CUX1: variants seen among roughly 807,000 people sequenced by gnomAD.
The protein encoded by CUX1 is cut like homeobox 1.
Under a neutral mutation model 158.8 loss-of-function variants are expected in CUX1, and 31 were observed. The ratio of observed to expected loss-of-function variants is 0.20; its 90% confidence interval spans 0.15 to 0.26. CUX1 has a LOEUF of 0.26. Ranked by LOEUF, CUX1 falls within the 10% of genes least tolerant of loss-of-function variation. CUX1 has a pLI of 1.00. For synonymous variants in CUX1, 879 were observed against 862.1 expected, an observed-to-expected ratio of 1.02 and a Z score of -0.34; for missense variants, 1,589 against 2,014.6, an observed-to-expected ratio of 0.79 and a Z score of 4.04.
At chr7:102,016,409 A>G (rs1318199514) in intron 2 of CUX1, among the ~76,000 whole-genome samples, 1 of 152,250 alleles carries the variant, frequency 6.6e-6, no homozygotes, top group African/African-American at 2.4e-5. Context: ...TGATTGAAGG[A>G]GCCCCTAAAA....
chr7:102,060,056 A>G (rs1824612191), intron 3 of CUX1, among the ~76,000 whole-genome samples: 1 of 152,022 alleles, frequency 6.6e-6, no homozygotes, highest in Non-Finnish European at 1.5e-5. Flanking sequence ...TGGGCGGATC[A>G]TGAGGTCAGG....
At chr7:101,956,758 A>C (rs1170785616) in intron 2 of CUX1, among the ~76,000 whole-genome samples, 1 of 152,212 alleles carries the variant, frequency 6.6e-6, no homozygotes, top group Non-Finnish European at 1.5e-5. Flanking sequence ...GACCAGCCAG[A>C]GCAACATAGC....
chr7:102,094,756 C>G (rs541906836), intron 4 of CUX1, among the ~76,000 whole-genome samples: 1 of 152,180 alleles, frequency 6.6e-6, no homozygotes, highest in Non-Finnish European at 1.5e-5. Flanking sequence ...CTTCCCTGAC[C>G]TCTATGTCAA....
intron 2 of CUX1, among the ~76,000 whole-genome samples, chr7:102,017,761 C>T (rs71559446): frequency 0.03 from 4,522 of 151,266 alleles, 99 homozygotes; most frequent in Non-Finnish European, 0.034. Flanking sequence ...GCATGAGAAT[C>T]GCTTGAGCCT....
At chr7:102,230,585 G>A (rs547663201) in intron 21 of CUX1, among the ~76,000 whole-genome samples, 7 of 151,976 alleles carry the variant, frequency 4.6e-5, no homozygotes, top group Non-Finnish European at 1.0e-4. Context: ...AGCTTGTCCA[G>A]TGGAAGCCTC....
intron 14 of CUX1, chr7:102,273,285 G>A (rs1217429721): frequency 1.3e-6 from 2 of 1,547,384 alleles, no homozygotes; most frequent in South Asian, 1.2e-5. Flanking sequence ...CCAGACCGTG[G>A]GTTGGAGAGG....
intron 1 of CUX1, among the ~76,000 whole-genome samples, chr7:101,900,981 G>A (rs979004289): frequency 2.6e-5 from 4 of 152,112 alleles, no homozygotes; most frequent in South Asian, 2.1e-4. Context: ...TTTTAACTTA[G>A]AAGAGTATGT....
At chr7:102,222,809 A>ATTTTTTTTTTTTTTT (rs1554527459) in intron 20 of CUX1, among the ~76,000 whole-genome samples, 5 of 23,278 alleles carry the variant, frequency 2.1e-4, no homozygotes, top group Admixed American at 7.4e-4. Context: ...GGGGCACCGT[A>ATTTTTTTTTTTTTTT]TCTTTTTTTT....
chr7:102,106,105 T>TTG (rs1491227850), intron 6 of CUX1, among the ~76,000 whole-genome samples: 3 of 112,298 alleles, frequency 2.7e-5, no homozygotes, highest in African/African-American at 1.1e-4. Flanking sequence ...TTTTTTTTTT[T>TTG]GAGATGGAGT....
intron 22 of CUX1, among the ~76,000 whole-genome samples, chr7:102,238,497 G>A (rs1169393664): frequency 6.6e-6 from 1 of 152,156 alleles, no homozygotes; most frequent in African/African-American, 2.4e-5. Flanking sequence ...TTGGAATAAA[G>A]AGTAATTGCT....
At chr7:102,073,161 C>CTTTT (rs1826323524) in intron 4 of CUX1, among the ~76,000 whole-genome samples, 1 of 47,080 alleles carries the variant, frequency 2.1e-5, no homozygotes, top group Non-Finnish European at 3.9e-5. Flanking sequence ...AATCTCTTTT[C>CTTTT]TTTCTTTTTT....
At chr7:102,150,459 A>G (rs1408814291) in intron 8 of CUX1, among the ~76,000 whole-genome samples, 8 of 152,122 alleles carry the variant, frequency 5.3e-5, no homozygotes, top group African/African-American at 1.9e-4. Context: ...CCCGGCCGAG[A>G]CTATTGGCTT....
intron 2 of CUX1, among the ~76,000 whole-genome samples, chr7:102,014,428 C>T (rs181633632): frequency 1.4e-3 from 206 of 152,298 alleles, no homozygotes; most frequent in Non-Finnish European, 2.3e-3. Context: ...ATACGCTCTA[C>T]GCTCTGCAGA....
chr7:101,907,394 G>A (rs189256866), intron 1 of CUX1, among the ~76,000 whole-genome samples: 1 of 151,760 alleles, frequency 6.6e-6, no homozygotes, highest in Non-Finnish European at 1.5e-5. Context: ...TGTTTCCCAG[G>A]CTGGAGTGCA....
At chr7:101,994,561 A>G (rs1431002618) in intron 2 of CUX1, among the ~76,000 whole-genome samples, 5 of 152,214 alleles carry the variant, frequency 3.3e-5, no homozygotes, top group Non-Finnish European at 7.3e-5. Context: ...AGATTGTGCC[A>G]TTGCACTCTA....
At chr7:102,130,478 C>G (rs540006806) in intron 8 of CUX1, among the ~76,000 whole-genome samples, 4 of 152,022 alleles carry the variant, frequency 2.6e-5, no homozygotes, top group Non-Finnish European at 4.4e-5. Context: ...GTCAGGAGTT[C>G]GAGACCAGTC....
intron 17 of CUX1, among the ~76,000 whole-genome samples, chr7:102,276,690 G>C (rs782623172): frequency 6.6e-5 from 10 of 152,298 alleles, no homozygotes; most frequent in Middle Eastern, 3.4e-3. Flanking sequence ...GTTGCCTTTA[G>C]ATTGGCAAAT....
chr7:102,044,194 T>G (rs557336344), intron 3 of CUX1, among the ~76,000 whole-genome samples: 62 of 151,926 alleles, frequency 4.1e-4, no homozygotes, highest in Admixed American at 1.1e-3. Context: ...TTTTTTTGTT[T>G]TTTTTGGAAA....
chr7:102,165,783 G>A (rs1192837657), intron 9 of CUX1, among the ~76,000 whole-genome samples: 3 of 152,064 alleles, frequency 2.0e-5, no homozygotes, highest in Non-Finnish European at 4.4e-5. Flanking sequence ...CCCTGGTTCC[G>A]GCTCTCCTTC....
Sources: allele counts gnomAD v4.1 joint callset (sites outside exome capture counted in the v4.1 genomes callset), GRCh38; gene constraint gnomAD v4.1.1; transcripts MANE v1.5; gene names NCBI Gene and HGNC (gene_info 2026-07-23, HGNC 2026-07-21).